Variants in CCAR1 observed in about 807,000 individuals in gnomAD.
CCAR1 encodes the protein cell division cycle and apoptosis regulator protein 1.
A neutral mutation model predicts 163.8 loss-of-function variants in CCAR1; 78 were observed. That is an observed-to-expected ratio of 0.48 (90% confidence interval 0.40 to 0.57). The LOEUF is 0.57. CCAR1 is among the 20% of genes least tolerant of loss of function. The pLI, the probability that CCAR1 is intolerant of heterozygous loss-of-function variation, is 0.00. For missense variants in CCAR1, 1,019 were observed against 1,365.2 expected, an observed-to-expected ratio of 0.75 and a Z score of 4.00; for synonymous variants, 443 against 460.7, an observed-to-expected ratio of 0.96 and a Z score of 0.49.
Position 68,729,641 on chromosome 10 carries a change from G to A in CCAR1, c.73+7064G>A, listed in dbSNP as rs937518299. On this transcript the variant is annotated intron_variant, in intron 2 of 24. Transcript: ENST00000265872. Reference sequence around the variant, plus strand: ...ATTCCAGGAGTTTGAGACCAATGTGGTGGCACATGCCAGTAGTCCCTCAGG... The same window carrying A: ...ATTCCAGGAGTTTGAGACCAATGTGATGGCACATGCCAGTAGTCCCTCAGG... Among the ~76,000 whole-genome samples the A allele has an allele frequency of 3.3e-5, 5 of 151,610 alleles. No homozygotes were observed. In the East Asian group the frequency reaches 9.7e-4, roughly 29 times the overall value.
chr10:68,757,529 C>T (rs1020162528), intron 15 of CCAR1, 152 bp downstream of exon 15: 2 of 466,862 alleles, frequency 4.3e-6, no homozygotes, highest in Non-Finnish European at 7.6e-6. Flanking sequence ...ATTCTCTTGC[C>T]TCAGCCTCCT....
At position 68,778,773 on chromosome 10, in the gene CCAR1, A is replaced by G. The variant is rs79756106; in HGVS notation, c.2650+5674A>G. On this transcript the variant is annotated intron_variant, in intron 19 of 24. Coordinates refer to ENST00000265872, the MANE Select transcript of CCAR1 (RefSeq NM_018237.4). The stretch of plus-strand genomic sequence containing the variant: ...TTTGTTTGTTTCCCTGGAGTTTCCA[A>G]TTGCTGCTTGCTTCTGTTTTACCAC... Among the ~76,000 whole-genome samples, 177 of 152,204 alleles carry G rather than the reference A, an allele frequency of 1.2e-3. 2 individuals are homozygous for G. The East Asian group carries it at 0.032, about 28-fold the overall frequency.
At chr10:68,735,652 T>C (rs1162967) in intron 2 of CCAR1, 133,323 of 152,126 alleles carry the variant, frequency 0.88, 58,505 homozygotes, top group African/African-American at 0.9. Flanking sequence ...GTGATCCTCC[T>C]ACTTCAGCCT....
chr10:68,788,159 T>A lies in CCAR1; in HGVS notation c.3018T>A (p.Leu1006=), dbSNP rs184417073. The A allele has an allele frequency of 3.2e-6, 5 of 1,573,582 alleles. No homozygotes were observed. The highest frequency in any genetic ancestry group is 4.3e-6 in the Non-Finnish European group (5 of 1,166,304). Residue 1006 remains leucine, a synonymous_variant, in exon 23 of 25, where the codon CTT becomes CTA. Coordinates refer to ENST00000265872, the MANE Select transcript of CCAR1 (RefSeq NM_018237.4). The part of the protein sequence containing the change: ...QEDMLGNRLL[L]PTPTVKQESK... ...ATATTATAGGAAACAGATTATTACT[T>A]CCAACACCAACAGTAAAGCAGGAAT... is the stretch of plus-strand genomic sequence containing the variant.
At chr10:68,738,476 C>T (rs189185137) in intron 4 of CCAR1, among the ~76,000 whole-genome samples, 35 of 152,276 alleles carry the variant, frequency 2.3e-4, no homozygotes, top group African/African-American at 7.7e-4. Context: ...AAGAACCACC[C>T]TTTGGACTGT....
chr10:68,726,695 C>CT (rs2055952543), intron 2 of CCAR1, among the ~76,000 whole-genome samples: 1 of 152,090 alleles, frequency 6.6e-6, no homozygotes, highest in South Asian at 2.1e-4. Flanking sequence ...AACATAGTTT[C>CT]TGTCAAAATC....
rs181286391 is a variant in CCAR1, at chr10:68,738,897, A to T, written c.291+1008A>T. Among the ~76,000 whole-genome samples, 154 of 152,298 alleles carry T rather than the reference A, an allele frequency of 1.0e-3. 1 individual carries two copies. The highest frequency in any genetic ancestry group is 3.6e-3 in the African/African-American group (150 of 41,586). On this transcript the variant is annotated intron_variant, in intron 4 of 24. Coordinates refer to ENST00000265872, the MANE Select transcript of CCAR1 (RefSeq NM_018237.4). ...CCCTCTCTCTACTAAAAATAGAAAA[A>T]TTAGCTGGGCCTGGTGGTGCACAGC...
At chr10:68,760,734 C>G in intron 15 of CCAR1, 1 of 203,698 alleles carries the variant, frequency 4.9e-6, no homozygotes, top group Non-Finnish European at 9.9e-6. Context: ...TGTGATTGTG[C>G]GCATCTGTAA....
At chr10:68,743,889 A>G (rs1158506510) in intron 6 of CCAR1, among the ~76,000 whole-genome samples, 1 of 152,130 alleles carries the variant, frequency 6.6e-6, no homozygotes, top group Non-Finnish European at 1.5e-5. Context: ...AGCTAGGATT[A>G]TAGGTGCCTG....
rs557695056 is a variant in CCAR1 at position 68,758,030 on chromosome 10, C to T, written c.1920+653C>T. On this transcript the variant is annotated intron_variant, in intron 15 of 24. Coordinates refer to ENST00000265872, the MANE Select transcript of CCAR1 (RefSeq NM_018237.4). ...TGCTGGGATTACAGGTGTGAGCCAC[C>T]GTGCCTGGCCGTAATTTGGTTTTTA... 1.2e-4 allele frequency among the ~76,000 whole-genome samples: 18 copies of T among 152,162 alleles called. No individual in the cohort carries two copies. In the South Asian group the frequency reaches 3.1e-3, roughly 26 times the overall value.
Position 68,772,833 on chromosome 10 carries a change from G to A in CCAR1, c.2539-155G>A, listed in dbSNP as rs191463745. The stretch of plus-strand genomic sequence containing the variant: ...ATAATATAATAATAATATAACTACT[G>A]GCTGTGGTGGCTCACGCCTATAATC... On this transcript the variant is annotated intron_variant, in intron 18 of 24. Transcript: ENST00000265872. Among the ~76,000 whole-genome samples, 238 of 151,254 alleles carry A rather than the reference G, an allele frequency of 1.6e-3. 2 individuals are homozygous for A. Among genetic ancestry groups the A allele is most frequent in the African/African-American group, 5.4e-3 (223 of 41,404 alleles).
At chr10:68,774,815 C>T (rs1462208785) in intron 19 of CCAR1, 1 of 319,986 alleles carries the variant, frequency 3.1e-6, no homozygotes, top group Non-Finnish European at 5.9e-6. Context: ...TGACCGTAGA[C>T]ATCAACGATC....
Position 68,756,293 on chromosome 10 carries a change from G to A in CCAR1, c.1646G>A (p.Arg549His), listed in dbSNP as rs1201534259. The stretch of plus-strand genomic sequence containing the variant: ...AACAGGTACCGTTTTGCAGAGATTC[G>A]CTACCATCGCCCTGAGGAGACCCAC... ...CTQWYRFAEI[R>H]YHRPEETHKG... is the part of the protein sequence containing the mutation. Residue 549 changes from arginine to histidine, a missense_variant, in exon 14 of 25, where the codon CGC (arginine) becomes CAC (histidine). This residue lies in a region of CCAR1 where 644 missense variants were observed against 904.4 expected (regional missense o/e 0.71). Transcript: ENST00000265872. The surrounding 1 kb of genome is among the most constrained non-coding windows in gnomAD (Gnocchi z 5.1). The A allele has an allele frequency of 5.6e-6, 9 of 1,613,606 alleles. No individual in the cohort carries two copies. Among genetic ancestry groups the A allele is most frequent in the African/African-American group, 1.3e-5 (1 of 74,814 alleles).
In CCAR1 at chr10:68,777,763, C is replaced by T. The variant is rs148220834; in HGVS notation, c.2650+4664C>T. ...CCTGAGCAACATGACGACACCGTGT[C>T]TCTACAGAAAATAAAAAATGTATCC... On this transcript the variant is annotated intron_variant, in intron 19 of 24. Coordinates refer to ENST00000265872, the MANE Select transcript of CCAR1 (RefSeq NM_018237.4). Among the ~76,000 whole-genome samples, 455 of 152,070 alleles carry T rather than the reference C, an allele frequency of 3.0e-3. 1 individual carries two copies. The highest frequency in any genetic ancestry group is 5.3e-3 in the Non-Finnish European group (360 of 68,002).
intron 19 of CCAR1, among the ~76,000 whole-genome samples, chr10:68,783,532 T>C (rs2056761365): frequency 6.6e-6 from 1 of 152,006 alleles, no homozygotes; most frequent in Non-Finnish European, 1.5e-5. Flanking sequence ...TCCCATACTC[T>C]TGAGTGCTGA....
intron 6 of CCAR1, among the ~76,000 whole-genome samples, chr10:68,745,179 T>G (rs936877861): frequency 2.6e-5 from 4 of 152,100 alleles, no homozygotes; most frequent in Admixed American, 6.6e-5. Context: ...CTAATTTTTT[T>G]GTGTTTTTAG....
intron 2 of CCAR1, among the ~76,000 whole-genome samples, chr10:68,729,330 C>T (rs1328046991): frequency 5.4e-5 from 8 of 147,782 alleles, no homozygotes; most frequent in South Asian, 2.1e-4. Flanking sequence ...AGTGCAGTGG[C>T]GCTATCTCGG....
chr10:68,746,108 G>A (rs1189614436), intron 6 of CCAR1, among the ~76,000 whole-genome samples: 2 of 150,880 alleles, frequency 1.3e-5, no homozygotes, highest in African/African-American at 2.4e-5. Context: ...AAGTAGCTGG[G>A]ATCACAGGCT....
In CCAR1 at chr10:68,788,185, CA is replaced by C; in HGVS notation, c.3047del (p.Lys1016ArgfsTer17). On this transcript the variant is annotated frameshift_variant, in exon 23 of 25. Coordinates refer to ENST00000265872, the MANE Select transcript of CCAR1 (RefSeq NM_018237.4). LOFTEE classifies it high-confidence loss of function. Reference protein sequence around the residue: ...LLPTPTVKQESKDVEENVGLI... With the variant: ...LLPTPTVKQEXKDVEENVGLI... ...CCAACACCAACAGTAAAGCAGGAAT[CA>C]AAGGATGTGGAAGAAAATGTTGGCC... 6.3e-7 allele frequency: 1 copy of C among 1,592,106 alleles called. No individual in the cohort carries two copies. The highest frequency in any genetic ancestry group is 1.2e-5 in the South Asian group (1 of 85,694).
Sources: allele counts gnomAD v4.1 joint callset (sites outside exome capture counted in the v4.1 genomes callset), GRCh38; gene constraint gnomAD v4.1.1; regional missense constraint gnomAD v4.1.1; non-coding constraint Gnocchi (gnomAD v3.1); transcripts MANE v1.5; gene names NCBI Gene and HGNC (gene_info 2026-07-23, HGNC 2026-07-21).